Variants in YARS2 observed in about 807,000 individuals in gnomAD.
YARS2 encodes the protein tyrosine--tRNA ligase, mitochondrial.
YARS2 carries 38 observed loss-of-function variants against 45.0 expected under a neutral mutation model. That is an observed-to-expected ratio of 0.84 (90% confidence interval 0.65 to 1.11). YARS2 has a LOEUF of 1.11. Among genes scored for constraint, YARS2 ranks in the 50% least tolerant of loss-of-function variants. The pLI is 0.00. For missense variants in YARS2, 602 were observed against 599.8 expected, an observed-to-expected ratio of 1.00 and a Z score of -0.04; for synonymous variants, 287 against 245.1, an observed-to-expected ratio of 1.17 and a Z score of -1.60.
intron 3 of YARS2, among the ~76,000 whole-genome samples, chr12:32,750,390 T>C (rs758438897): frequency 6.6e-6 from 1 of 151,880 alleles, no homozygotes; most frequent in Non-Finnish European, 1.5e-5. Context: ...TTAGTAGAGA[T>C]GGGGGTTTCA....
In YARS2 at chr12:32,754,711, C is replaced by CTTTTT. The variant is rs755897245; in HGVS notation, c.779+380_779+384dup. Among the ~76,000 whole-genome samples the CTTTTT allele has an allele frequency of 1.9e-3, 238 of 126,702 alleles. 5 individuals carry two copies. Among genetic ancestry groups the CTTTTT allele is most frequent in the South Asian group, 0.014 (54 of 3,864 alleles). 83.1% of individuals were successfully genotyped at this position (126,702 alleles called of 152,430 possible). On this transcript the variant is annotated intron_variant, in intron 1 of 4. Transcript: ENST00000324868. ...AAATCTTCACTAGTGGTCTGTTTCCCTTTTTTTTTTTTTTTTTTTTGAGAC... is the reference window on the plus strand; with the variant it reads ...AAATCTTCACTAGTGGTCTGTTTCCCTTTTTTTTTTTTTTTTTTTTTTTTTGAGAC...
chr12:32,749,309 T>C (rs1465643527), intron 4 of YARS2, among the ~76,000 whole-genome samples: 5 of 152,142 alleles, frequency 3.3e-5, no homozygotes. Flanking sequence ...ACTGTGACCA[T>C]ATCCCTAAGC....
At position 32,755,779 on chromosome 12, in the gene YARS2, G is replaced by A. The variant is rs774751579; in HGVS notation, c.96C>T (p.His32=). The A allele has an allele frequency of 1.9e-6, 3 of 1,613,922 alleles. No homozygotes were observed. The highest frequency in any genetic ancestry group is 4.5e-5 in the East Asian group (2 of 44,872). The change falls in exon 1 of 5, where the codon CAC becomes CAT. Residue 32 remains histidine (H), a synonymous_variant. Transcript: ENST00000324868. ...VLLPLGLRKA[H]SGAQGLLAAQ... ...CTGCCAGTAACCCCTGAGCGCCCGA[G>A]TGGGCCTTACGCAGCCCCAAGGGCA...
intron 3 of YARS2, among the ~76,000 whole-genome samples, chr12:32,750,359 G>A (rs560783820): frequency 5.9e-5 from 9 of 152,152 alleles, no homozygotes; most frequent in South Asian, 2.1e-4. Flanking sequence ...GTGCCACCAC[G>A]CCCAGCTAAG....
chr12:32,753,161 A>G (rs1330177262), intron 2 of YARS2, among the ~76,000 whole-genome samples: 1 of 152,044 alleles, frequency 6.6e-6, no homozygotes, highest in African/African-American at 2.4e-5. Context: ...TAAAAAAAAA[A>G]TACAAAATTA....
In YARS2 at chr12:32,748,045, A is replaced by T. The variant is rs1436896749; in HGVS notation, c.1275-682T>A. On this transcript the variant is annotated intron_variant, in intron 4 of 4. Coordinates refer to ENST00000324868, the MANE Select transcript of YARS2 (RefSeq NM_001040436.3). ...CTAGAAAGAGGTGAGATCTGAGAAG[A>T]CAGGGCTACAGCGTGGCTAGATCTT... Among the ~76,000 whole-genome samples, 4 of 152,228 alleles carry T rather than the reference A, an allele frequency of 2.6e-5. No homozygotes were observed. In the East Asian group the frequency reaches 7.7e-4, roughly 29 times the overall value.
At chr12:32,750,157 C>A in intron 3 of YARS2, 50 bp from the exon 4 acceptor site, 1 of 1,606,742 alleles carries the variant, frequency 6.2e-7, no homozygotes, top group Non-Finnish European at 8.5e-7. Flanking sequence ...TATTCAAATA[C>A]ATGTTCTAAT....
chr12:32,747,446 T>TCAGAGGCTCTCA, intron 4 of YARS2, 83 bp from the exon 5 acceptor site: 1 of 1,403,930 alleles, frequency 7.1e-7, no homozygotes, highest in East Asian at 2.3e-5. Context: ...CACTTAGATT[T>TCAGAGGCTCTCA]CAGAGGCTCT....
rs190043383 is a variant in YARS2, at chr12:32,753,931, C to G, written c.934G>C (p.Asp312His). 418 of 1,614,162 alleles carry G rather than the reference C, an allele frequency of 2.6e-4. 3 individuals carry two copies. In the East Asian group the frequency reaches 9.1e-3, roughly 35 times the overall value. The part of the protein sequence containing the change: ...LYQFFVRQPD[D>H]SVERYLKLFT... ...TTCAGAACTCACCTTTCCACTGAAT[C>G]GTCCGGTTGCCTGACAAAGAATTGA... Residue 312 changes from aspartate (D) to histidine (H), a missense_variant, in exon 2 of 5, where the codon GAT becomes CAT. Physicochemically the swap from Asp to His is moderately conservative, Grantham distance 81. Coordinates refer to ENST00000324868, the MANE Select transcript of YARS2 (RefSeq NM_001040436.3).
chr12:32,749,926 A>G lies in YARS2; in HGVS notation c.1274+11T>C, dbSNP rs779836968. On this transcript the variant is annotated intron_variant, in intron 4 of 4. Transcript: ENST00000324868. Reference sequence around the variant, plus strand: ...GAATTAACTGTAAATCTAAAAGTTAAATAATCTTACCCTCGGGGACCATCT... The same window carrying G: ...GAATTAACTGTAAATCTAAAAGTTAGATAATCTTACCCTCGGGGACCATCT... 6.2e-6 allele frequency: 10 copies of G among 1,613,846 alleles called. No individual in the cohort carries two copies. In the South Asian group the frequency reaches 9.9e-5, roughly 16 times the overall value.
At chr12:32,747,744 C>T (rs576793778) in intron 4 of YARS2, among the ~76,000 whole-genome samples, 7 of 152,284 alleles carry the variant, frequency 4.6e-5, no homozygotes, top group African/African-American at 1.4e-4. Context: ...CCATGTTAGC[C>T]AGGCTGGTCT....
chr12:32,749,222 A>G (rs1373517850), intron 4 of YARS2, among the ~76,000 whole-genome samples: 1 of 152,164 alleles, frequency 6.6e-6, no homozygotes, highest in Non-Finnish European at 1.5e-5. Context: ...CCATCCCCGA[A>G]TATAAAAAGG....
intron 3 of YARS2, among the ~76,000 whole-genome samples, 184 bp from the exon 4 acceptor site, chr12:32,750,291 T>A (rs926390927): frequency 6.6e-6 from 1 of 152,148 alleles, no homozygotes; most frequent in Non-Finnish European, 1.5e-5. Context: ...AACCTCTGCC[T>A]CCCGGGTTCA....
chr12:32,754,711 CTTTTTTTTTT>C (rs755897245), intron 1 of YARS2, among the ~76,000 whole-genome samples: 1 of 126,720 alleles, frequency 7.9e-6, no homozygotes, highest in Non-Finnish European at 1.6e-5. Context: ...GTCTGTTTCC[CTTTTTTTTTT>C]TTTTTTTTTT....
Position 32,753,193 on chromosome 12 carries a change from C to G in YARS2, c.947+725G>C, listed in dbSNP as rs1486610545. Among the ~76,000 whole-genome samples, 3 of 151,926 alleles carry G rather than the reference C, an allele frequency of 2.0e-5. No individual in the cohort carries two copies. The East Asian group carries it at 5.8e-4, about 29-fold the overall frequency. On this transcript the variant is annotated intron_variant, in intron 2 of 4. Coordinates refer to ENST00000324868, the MANE Select transcript of YARS2 (RefSeq NM_001040436.3). ...ATTAGCTGGGCATGGTGGTGTGCACCTGAGCCTGGGAATTTCAGGCTACAG... is the reference window on the plus strand; with the variant it reads ...ATTAGCTGGGCATGGTGGTGTGCACGTGAGCCTGGGAATTTCAGGCTACAG...
rs888621542 is a variant in YARS2 at position 32,746,587 on chromosome 12, G to A, written c.*617C>T. ...ACTACTCATGCTGTCTCCCAGGCTG[G>A]AGTGCAGTGGCGTGATCTCAGCTCA... On this transcript the variant is annotated 3_prime_UTR_variant, in exon 5 of 5. Coordinates refer to ENST00000324868, the MANE Select transcript of YARS2 (RefSeq NM_001040436.3). 2.7e-5 allele frequency: 4 copies of A among 150,618 alleles called. No individual in the cohort carries two copies. The highest frequency in any genetic ancestry group is 6.6e-5 in the Admixed American group (1 of 15,088). The allele number at this position is 150,618 out of a possible 1,614,324, so 9.3% of individuals were successfully genotyped here. A position where few individuals can be genotyped will look rare whatever the true frequency, so the allele number is the denominator to read the frequency against.
intron 3 of YARS2, among the ~76,000 whole-genome samples, chr12:32,750,492 C>T (rs1275110640): frequency 2.6e-5 from 4 of 152,148 alleles, no homozygotes; most frequent in Non-Finnish European, 5.9e-5. Context: ...TGAGCCACCG[C>T]GCCCGGCATA....
chr12:32,752,699 C>G (rs1955767651), intron 2 of YARS2: 1 of 337,594 alleles, frequency 3.0e-6, no homozygotes, highest in Non-Finnish European at 5.7e-6. Context: ...CAAGATCATG[C>G]CACTACACTC....
At chr12:32,752,740 C>CAA (rs56907654) in intron 2 of YARS2, 11,425 of 194,752 alleles carry the variant, frequency 0.059, 555 homozygotes, top group Non-Finnish European at 0.069. Context: ...GACACTGCCT[C>CAA]AAAAAAAAAA....
Sources: allele counts gnomAD v4.1 joint callset (sites outside exome capture counted in the v4.1 genomes callset), GRCh38; gene constraint gnomAD v4.1.1; transcripts MANE v1.5; gene names NCBI Gene and HGNC (gene_info 2026-07-23, HGNC 2026-07-21).